NRG1: variants seen among roughly 807,000 people sequenced by gnomAD.
The protein encoded by NRG1 is pro-neuregulin-1, membrane-bound isoform.
In NRG1, 18 loss-of-function variants were observed where a neutral mutation model predicts 63.8. The ratio of observed to expected loss-of-function variants is 0.28; its 90% CI spans 0.19 to 0.42. The LOEUF (loss-of-function observed/expected upper bound fraction) is 0.42, where lower values mean the gene tolerates loss of function less well. NRG1 is among the 10% of genes least tolerant of loss of function. NRG1 has a pLI of 1.00. For synonymous variants in NRG1, 302 were observed against 301.3 expected (o/e 1.00, Z -0.02); for missense variants, 762 against 814.7 (o/e 0.94, Z 0.79).
intron 1 of NRG1, among the ~76,000 whole-genome samples, chr8:31,760,681 G>A (rs1047188233): frequency 3.3e-5 from 5 of 152,196 alleles, no homozygotes; most frequent in African/African-American, 9.6e-5. Flanking sequence ...CATTTATGCA[G>A]CCAAAAGACG....
At chr8:32,092,011 A>T (rs1292461372) in intron 1 of NRG1, among the ~76,000 whole-genome samples, 5 of 152,146 alleles carry the variant, frequency 3.3e-5, no homozygotes, top group Admixed American at 6.5e-5. Flanking sequence ...ATGAACATAT[A>T]TTTTGAAAAC....
At chr8:31,914,247 C>T (rs969171785) in intron 1 of NRG1, among the ~76,000 whole-genome samples, 1 of 151,834 alleles carries the variant, frequency 6.6e-6, no homozygotes, top group Non-Finnish European at 1.5e-5. Flanking sequence ...TTCATTTTGC[C>T]TTAAAACGCA....
In NRG1 at chr8:32,671,063, CTT is replaced by C. The variant is rs1805525198; in HGVS notation, c.502+54181_502+54182del. On this transcript the variant is annotated intron_variant, in intron 5 of 11. Transcript: ENST00000356819. Reference sequence around the variant, plus strand: ...ACTAGCAGACAACACACATAGGAAACTTTTGCCACTTAATTATTATTCTTTTT... The same window carrying C: ...ACTAGCAGACAACACACATAGGAAACTTGCCACTTAATTATTATTCTTTTT... 2.6e-5 allele frequency among the ~76,000 whole-genome samples: 4 copies of C among 151,736 alleles called. No homozygotes were observed. In the South Asian group the frequency reaches 8.3e-4, roughly 32 times the overall value.
At chr8:32,712,014 AT>A (rs1181212789) in intron 5 of NRG1, among the ~76,000 whole-genome samples, 4 of 152,150 alleles carry the variant, frequency 2.6e-5, no homozygotes, top group South Asian at 4.1e-4. Context: ...TGCGTAGGTA[AT>A]AACTTATTAT....
At chr8:31,661,483 C>T (rs1032536725) in intron 1 of NRG1, among the ~76,000 whole-genome samples, 1 of 152,240 alleles carries the variant, frequency 6.6e-6, no homozygotes, top group African/African-American at 2.4e-5. Flanking sequence ...ACTTAGGTTG[C>T]CAGTATTTTA....
At chr8:32,653,634 C>G (rs918690398) in intron 5 of NRG1, among the ~76,000 whole-genome samples, 1 of 152,148 alleles carries the variant, frequency 6.6e-6, no homozygotes, top group Non-Finnish European at 1.5e-5. Context: ...CTAGCATGTA[C>G]ATAAAGATTC....
At chr8:32,331,040 T>G (rs769517718) in intron 1 of NRG1, among the ~76,000 whole-genome samples, 11 of 152,142 alleles carry the variant, frequency 7.2e-5, no homozygotes, top group Non-Finnish European at 1.2e-4. Context: ...TTAGTCCTCC[T>G]TTTTAGACAG....
downstream of NRG1, among the ~76,000 whole-genome samples, chr8:32,772,036 A>AAATGTGTATAT (rs1564160296): frequency 1.4e-4 from 2 of 13,926 alleles, no homozygotes; most frequent in Non-Finnish European, 6.1e-4. Context: ...AAAAAAAAAA[A>AAATGTGTATAT]ATATGTATAT....
intron 1 of NRG1, among the ~76,000 whole-genome samples, chr8:32,341,082 T>G (rs1804013291): frequency 1.3e-5 from 2 of 152,212 alleles, no homozygotes; most frequent in Non-Finnish European, 2.9e-5. Context: ...ATCATTTAAC[T>G]CAGTGTGTCT....
At chr8:32,755,617 C>T (rs1026807886) in intron 8 of NRG1, among the ~76,000 whole-genome samples, 2 of 152,130 alleles carry the variant, frequency 1.3e-5, no homozygotes, top group African/African-American at 2.4e-5. Flanking sequence ...CAAAATATGT[C>T]CACATTCTCA....
rs185895038 is a variant in NRG1 at position 32,577,163 on chromosome 8, T to C, written c.101-18665T>C. 1.4e-4 allele frequency among the ~76,000 whole-genome samples: 21 copies of C among 152,336 alleles called. No homozygotes were observed. In the East Asian group the frequency reaches 4.0e-3, roughly 29 times the overall value. On this transcript the variant is annotated intron_variant, in intron 1 of 11. Coordinates refer to ENST00000356819, the Ensembl canonical transcript of NRG1. ...CACAGGATGCAGTTTCATTCCTTTTTATGGCTACATGATATTCCACAGTGT... is the reference window on the plus strand; with the variant it reads ...CACAGGATGCAGTTTCATTCCTTTTCATGGCTACATGATATTCCACAGTGT...
intron 5 of NRG1, among the ~76,000 whole-genome samples, chr8:32,664,158 A>G (rs1803553898): frequency 6.6e-6 from 1 of 152,158 alleles, no homozygotes; most frequent in Admixed American, 6.6e-5. Context: ...CTGGGTTCAG[A>G]GTAGTAGAAT....
At chr8:32,303,041 G>A (rs1296368104) in intron 1 of NRG1, among the ~76,000 whole-genome samples, 1 of 151,858 alleles carries the variant, frequency 6.6e-6, no homozygotes, top group East Asian at 1.9e-4. Flanking sequence ...AATTAGCCGG[G>A]CGTGGTGGCT....
intron 1 of NRG1, among the ~76,000 whole-genome samples, chr8:32,059,641 A>G (rs561074755): frequency 1.3e-5 from 2 of 152,004 alleles, no homozygotes; most frequent in South Asian, 4.1e-4. Context: ...GAAGTCAAGT[A>G]CTAGTTTTAT....
At chr8:32,193,032 TG>T (rs1457784325) in intron 1 of NRG1, among the ~76,000 whole-genome samples, 1 of 152,150 alleles carries the variant, frequency 6.6e-6, no homozygotes, top group African/African-American at 2.4e-5. Context: ...CAGTGCCTGG[TG>T]CATATATAAA....
intron 1 of NRG1, among the ~76,000 whole-genome samples, chr8:31,830,603 C>G (rs910735194): frequency 1.3e-5 from 2 of 152,062 alleles, no homozygotes; most frequent in Non-Finnish European, 2.9e-5. Flanking sequence ...TCTGCCTTCT[C>G]TCCCTCCATT....
chr8:32,385,217 A>G (rs1012614115), intron 1 of NRG1, among the ~76,000 whole-genome samples: 9 of 151,840 alleles, frequency 5.9e-5, no homozygotes, highest in African/African-American at 2.2e-4. Flanking sequence ...TAGTAGAGAC[A>G]GGGTTTCACC....
chr8:31,713,283 A>T (rs1049868305), intron 1 of NRG1, among the ~76,000 whole-genome samples: 2 of 151,322 alleles, frequency 1.3e-5, no homozygotes, highest in African/African-American at 2.4e-5. Context: ...AGCCCGGCTA[A>T]TTTTTTGTAT....
At chr8:32,053,051 G>A (rs1243283890) in intron 1 of NRG1, among the ~76,000 whole-genome samples, 1 of 152,146 alleles carries the variant, frequency 6.6e-6, no homozygotes. Flanking sequence ...ACCATTCATT[G>A]GCTAAGGTAC....
Sources: gnomAD v4.1 joint callset for allele counts (sites outside exome capture counted in the v4.1 genomes callset) on GRCh38, gnomAD v4.1.1 for gene constraint, MANE v1.5 for transcripts, NCBI Gene and HGNC (gene_info 2026-07-23, HGNC 2026-07-21) for gene names.